FCHSD2: variants seen among roughly 807,000 people sequenced by gnomAD.
FCHSD2 encodes the protein F-BAR and double SH3 domains protein 2.
A neutral mutation model predicts 108.1 loss-of-function variants in FCHSD2; 38 were observed. That is an observed-to-expected ratio of 0.35 (90% confidence interval 0.27 to 0.46). The LOEUF is 0.46. FCHSD2 is among the 20% of genes least tolerant of loss of function. The pLI is 1.00. For missense variants in FCHSD2, 751 were observed against 897.8 expected, an observed-to-expected ratio of 0.84 and a Z score of 2.09; for synonymous variants, 279 against 314.7, an observed-to-expected ratio of 0.89 and a Z score of 1.20.
At position 73,047,634 on chromosome 11, in the gene FCHSD2, C is replaced by T. The variant is rs887004913; in HGVS notation, c.166-31749G>A. On this transcript the variant is annotated intron_variant, in intron 3 of 19. Transcript: ENST00000409418. ...CTAAAAACTGTTCCATGATTTCTAA[C>T]GGCAAATATTTATGCTCTTTCTTTC... Among the ~76,000 whole-genome samples the T allele has an allele frequency of 4.6e-5, 7 of 152,258 alleles. No individual in the cohort carries two copies. The South Asian group carries it at 8.3e-4, about 18-fold the overall frequency.
chr11:72,895,702 G>A (rs756434815), intron 10 of FCHSD2, among the ~76,000 whole-genome samples: 26 of 152,132 alleles, frequency 1.7e-4, no homozygotes, highest in Non-Finnish European at 4.4e-5. Flanking sequence ...TTTGTGAAAC[G>A]CTGAAGAAAT....
chr11:72,981,231 G>A (rs1857210580), intron 8 of FCHSD2, among the ~76,000 whole-genome samples: 1 of 152,084 alleles, frequency 6.6e-6, no homozygotes, highest in African/African-American at 2.4e-5. Flanking sequence ...AATCAGTTTA[G>A]TACCCCACAA....
chr11:72,873,866 A>G (rs1854914121), intron 12 of FCHSD2, among the ~76,000 whole-genome samples: 1 of 152,204 alleles, frequency 6.6e-6, no homozygotes, highest in South Asian at 2.1e-4. Flanking sequence ...TGGTAAAACA[A>G]AACTGAAGCT....
intron 3 of FCHSD2, among the ~76,000 whole-genome samples, chr11:73,066,425 G>C (rs948014417): frequency 7.2e-5 from 11 of 152,086 alleles, no homozygotes; most frequent in Non-Finnish European, 1.0e-4. Context: ...TACCATTCAG[G>C]ACATAGGCAT....
chr11:72,953,253 C>A lies in FCHSD2; in HGVS notation c.705+30835G>T, dbSNP rs372923584. On this transcript the variant is annotated intron_variant, in intron 8 of 19. Transcript: ENST00000409418. ...AGAAACTAAGGTAGTGAGGTAAACT[C>A]CAGATCTTAGATCTCCAGAAACCTA... Among the ~76,000 whole-genome samples, 32 of 152,258 alleles carry A rather than the reference C, an allele frequency of 2.1e-4. No homozygotes were observed. In the East Asian group the frequency reaches 2.9e-3, roughly 14 times the overall value.
At chr11:72,938,067 A>C (rs1856338349) in intron 8 of FCHSD2, among the ~76,000 whole-genome samples, 1 of 152,206 alleles carries the variant, frequency 6.6e-6, no homozygotes, top group Non-Finnish European at 1.5e-5. Flanking sequence ...CATTCCAGGT[A>C]GGGAAATACA....
chr11:73,008,665 A>G (rs1296592465), intron 4 of FCHSD2, among the ~76,000 whole-genome samples: 1 of 152,228 alleles, frequency 6.6e-6, no homozygotes, highest in Non-Finnish European at 1.5e-5. Flanking sequence ...TATCATGAAA[A>G]GAAATTTAAA....
chr11:72,945,133 T>C (rs1856493789), intron 8 of FCHSD2, among the ~76,000 whole-genome samples: 1 of 152,170 alleles, frequency 6.6e-6, no homozygotes, highest in Admixed American at 6.6e-5. Flanking sequence ...GGCATCACAC[T>C]ACCTGACTTC....
At chr11:72,873,058 G>A (rs1454466625) in intron 12 of FCHSD2, among the ~76,000 whole-genome samples, 6 of 151,844 alleles carry the variant, frequency 4.0e-5, no homozygotes, top group African/African-American at 1.2e-4. Context: ...GGCCAGGCAC[G>A]GTGGCTCATG....
At chr11:73,013,111 A>C (rs2135430201) in intron 4 of FCHSD2, among the ~76,000 whole-genome samples, 1 of 152,354 alleles carries the variant, frequency 6.6e-6, no homozygotes, top group East Asian at 1.9e-4. Flanking sequence ...TGAATAAAAA[A>C]GCAAACTCTA....
intron 2 of FCHSD2, among the ~76,000 whole-genome samples, chr11:73,087,571 G>A (rs1364640664): frequency 6.6e-6 from 1 of 151,932 alleles, no homozygotes; most frequent in African/African-American, 2.4e-5. Flanking sequence ...CAGGCATGGT[G>A]GCGTGTGCCT....
At chr11:73,051,095 C>T (rs941412598) in intron 3 of FCHSD2, among the ~76,000 whole-genome samples, 1 of 152,142 alleles carries the variant, frequency 6.6e-6, no homozygotes, top group Non-Finnish European at 1.5e-5. Flanking sequence ...GTGGGAGGAT[C>T]GCTTGAATCC....
At chr11:72,979,538 A>G (rs1857173204) in intron 8 of FCHSD2, among the ~76,000 whole-genome samples, 1 of 152,194 alleles carries the variant, frequency 6.6e-6, no homozygotes, top group Non-Finnish European at 1.5e-5. Context: ...AAGAACTAGG[A>G]TGGCTTTGGA....
chr11:72,944,883 G>A (rs1856488443), intron 8 of FCHSD2, among the ~76,000 whole-genome samples: 1 of 152,110 alleles, frequency 6.6e-6, no homozygotes, highest in African/African-American at 2.4e-5. Flanking sequence ...ACAAACCACT[G>A]CTCAATGAAA....
intron 8 of FCHSD2, among the ~76,000 whole-genome samples, chr11:72,970,677 A>C (rs1349693596): frequency 6.6e-6 from 1 of 152,170 alleles, no homozygotes; most frequent in Non-Finnish European, 1.5e-5. Flanking sequence ...GTCTGCTGCC[A>C]CAGCCTGCCG....
intron 8 of FCHSD2, among the ~76,000 whole-genome samples, chr11:72,943,447 C>G (rs1359562833): frequency 6.6e-6 from 1 of 152,084 alleles, no homozygotes; most frequent in Non-Finnish European, 1.5e-5. Flanking sequence ...GACACTGAAT[C>G]AGGAAAAAGA....
intron 2 of FCHSD2, among the ~76,000 whole-genome samples, chr11:73,085,998 C>T (rs530445753): frequency 6.6e-6 from 1 of 152,040 alleles, no homozygotes; most frequent in Non-Finnish European, 1.5e-5. Context: ...TAAAGATGTT[C>T]AAAGAATTAA....
chr11:73,060,191 A>C (rs920470160), intron 3 of FCHSD2, among the ~76,000 whole-genome samples: 5 of 152,224 alleles, frequency 3.3e-5, no homozygotes, highest in Admixed American at 6.5e-5. Flanking sequence ...CACTAATTTA[A>C]AGTTAAACCT....
intron 3 of FCHSD2, among the ~76,000 whole-genome samples, chr11:73,053,164 T>TTTA (rs1262319042): frequency 1.3e-5 from 2 of 151,222 alleles, no homozygotes; most frequent in Non-Finnish European, 2.9e-5. Context: ...TTTTTTTTTT[T>TTTA]TTGGTCCATA....
Sources: gnomAD v4.1 joint callset for allele counts (sites outside exome capture counted in the v4.1 genomes callset) on GRCh38, gnomAD v4.1.1 for gene constraint, MANE v1.5 for transcripts, NCBI Gene and HGNC (gene_info 2026-07-23, HGNC 2026-07-21) for gene names.